The following DNAH8 variants were observed in gnomAD, a reference collection of about 807,000 sequenced individuals.
DNAH8 encodes the protein axonemal beta dynein heavy chain 8.
In DNAH8, 382 loss-of-function variants were observed where a neutral mutation model predicts 562.1. That is an observed-to-expected ratio of 0.68 (90% CI 0.63 to 0.74). The LOEUF is 0.74. DNAH8 is among the 30% of genes least tolerant of loss of function. The pLI, the probability that DNAH8 is intolerant of heterozygous loss-of-function variation, is 0.00. For missense variants in DNAH8, 5,203 were observed against 5,620.4 expected (o/e 0.93, Z 2.37); for synonymous variants, 1,881 against 1,919.4 (o/e 0.98, Z 0.52).
chr6:38,907,023 G>GA (rs1224185293), intron 63 of DNAH8, among the ~76,000 whole-genome samples: 7 of 151,934 alleles, frequency 4.6e-5, no homozygotes, highest in African/African-American at 4.8e-5. Flanking sequence ...TCCAAAATCT[G>GA]AAAAAAATCT....
chr6:38,923,444 C>T (rs929927476), intron 72 of DNAH8: 2 of 322,054 alleles, frequency 6.2e-6, no homozygotes, highest in African/African-American at 4.3e-5. Context: ...GCCGTCTCCA[C>T]TCCAGTTCTC....
intron 3 of DNAH8, among the ~76,000 whole-genome samples, chr6:38,726,490 A>G (rs1390073341): frequency 6.6e-6 from 1 of 152,208 alleles, no homozygotes; most frequent in Non-Finnish European, 1.5e-5. Flanking sequence ...CTTTGGGTCC[A>G]TGTGGTTAGA....
chr6:38,761,363 G>C (rs1486811664), intron 10 of DNAH8, among the ~76,000 whole-genome samples: 2 of 141,714 alleles, frequency 1.4e-5, no homozygotes, highest in African/African-American at 5.3e-5. Context: ...CTTCATTTTT[G>C]TACCAATTGA....
intron 85 of DNAH8, among the ~76,000 whole-genome samples, chr6:38,976,353 G>C (rs567286975): frequency 4.6e-5 from 7 of 152,226 alleles, no homozygotes; most frequent in African/African-American, 1.7e-4. Context: ...AGTGAGTGTA[G>C]GTAATTCTTT....
At chr6:39,000,071 T>A (rs1315179094) in intron 88 of DNAH8, among the ~76,000 whole-genome samples, 1 of 152,190 alleles carries the variant, frequency 6.6e-6, no homozygotes, top group Non-Finnish European at 1.5e-5. Context: ...TCCTTTGTAT[T>A]TGAGGTTTAA....
chr6:38,745,728 T>C (rs998400985), intron 8 of DNAH8, among the ~76,000 whole-genome samples: 1 of 152,234 alleles, frequency 6.6e-6, no homozygotes, highest in Non-Finnish European at 1.5e-5. Flanking sequence ...GAACAGTTCC[T>C]TAGTCTGTAG....
chr6:38,863,711 C>T (rs553537864), intron 44 of DNAH8, among the ~76,000 whole-genome samples, 162 bp from the exon 45 acceptor site: 5 of 152,322 alleles, frequency 3.3e-5, no homozygotes, highest in South Asian at 2.1e-4. Flanking sequence ...TTAAACCTCT[C>T]TTTATCACTG....
intron 32 of DNAH8, 90 bp downstream of exon 32, chr6:38,834,731 A>G: frequency 9.7e-7 from 1 of 1,027,154 alleles, no homozygotes; most frequent in Non-Finnish European, 1.5e-6. Flanking sequence ...TTAATAGAAA[A>G]GTTTGTATTT....
intron 26 of DNAH8, among the ~76,000 whole-genome samples, chr6:38,816,263 T>A (rs1392079861): frequency 6.6e-6 from 1 of 151,966 alleles, no homozygotes; most frequent in Admixed American, 6.5e-5. Context: ...CAGGCTCCAG[T>A]ATGTGTTGTT....
chr6:38,727,820 A>G (rs901341172), intron 3 of DNAH8, among the ~76,000 whole-genome samples: 3 of 152,092 alleles, frequency 2.0e-5, no homozygotes, highest in South Asian at 4.2e-4. Flanking sequence ...ACTGCTCAAG[A>G]TAGTCTCTTT....
chr6:38,931,756 A>G, intron 75 of DNAH8, 55 bp from the exon 76 acceptor site: 1 of 1,197,028 alleles, frequency 8.4e-7, no homozygotes. Context: ...ATTGAACCCA[A>G]GTTCCTTTCC....
Position 38,781,297 on chromosome 6 carries a change from T to C in DNAH8, c.2183T>C (p.Met728Thr), listed in dbSNP as rs1278387502. 1 of 1,613,856 alleles carries C rather than the reference T, an allele frequency of 6.2e-7. No homozygotes were observed. Among genetic ancestry groups the C allele is most frequent in the Non-Finnish European group, 8.5e-7 (1 of 1,179,926 alleles). ...QKDDPPLARN[M>T]PPIAGKILWV... ...GATGACCCCCCTCTTGCTCGCAACA[T>C]GCCCCCTATAGCAGGAAAAATACTC... Residue 728 changes from methionine (M) to threonine (T), a missense_variant, in exon 16 of 93, where the codon ATG becomes ACG. By Grantham distance (81) the Met-to-Thr change is moderately conservative. This residue lies in a region of DNAH8 where 2,176 missense variants were observed against 2,365.1 expected (regional missense o/e 0.92). Coordinates refer to ENST00000327475, the MANE Select transcript of DNAH8 (RefSeq NM_001206927.2).
chr6:38,725,241 T>C (rs1321528181), intron 3 of DNAH8, among the ~76,000 whole-genome samples: 1 of 150,570 alleles, frequency 6.6e-6, no homozygotes, highest in Non-Finnish European at 1.5e-5. Flanking sequence ...AGGCAGAGGT[T>C]GCAGTGAGCC....
rs767930161 is a variant in DNAH8 at position 38,783,139 on chromosome 6, G to T, written c.2395G>T (p.Ala799Ser). 1.2e-6 allele frequency: 2 copies of T among 1,613,622 alleles called. No homozygotes were observed. The highest frequency in any genetic ancestry group is 2.7e-5 in the African/African-American group (2 of 74,872). Residue 799 changes from alanine (A) to serine (S), a missense_variant and splice_region_variant, in exon 17 of 93, where the codon GCT (alanine) becomes TCT (serine). Around this residue, in one of 6 missense-constraint regions of DNAH8, gnomAD observed 2,176 missense variants for 2,365.1 expected, o/e 0.92. Coordinates refer to ENST00000327475, the MANE Select transcript of DNAH8 (RefSeq NM_001206927.2). ...WIREISQLHY[A>S]LQATLFVRHP... ...CAGAGAGATTTCACAGTTGCATTAC[G>T]GTGTGTATAACACTGCCATGAGCCT...
chr6:38,943,064 T>C (rs1783588920), intron 79 of DNAH8, among the ~76,000 whole-genome samples: 1 of 152,216 alleles, frequency 6.6e-6, no homozygotes, highest in Admixed American at 6.5e-5. Flanking sequence ...GGGAGAACTA[T>C]ACTGTATAGG....
chr6:38,798,625 G>A (rs1770512619), intron 21 of DNAH8, among the ~76,000 whole-genome samples: 1 of 152,252 alleles, frequency 6.6e-6, no homozygotes, highest in Non-Finnish European at 1.5e-5. Flanking sequence ...GCAGTGGAAT[G>A]TGTATGTCTA....
At chr6:38,743,561 C>T (rs1313291984) in intron 8 of DNAH8, among the ~76,000 whole-genome samples, 1 of 152,194 alleles carries the variant, frequency 6.6e-6, no homozygotes, top group Non-Finnish European at 1.5e-5. Context: ...CAACATTCCC[C>T]CTTCCCCCCA....
chr6:38,883,368 T>G lies in DNAH8; in HGVS notation c.8048T>G (p.Val2683Gly). The G allele has an allele frequency of 6.2e-7, 1 of 1,613,420 alleles. No homozygotes were observed. The highest frequency in any genetic ancestry group is 8.5e-7 in the Non-Finnish European group (1 of 1,179,610). ...CAGGGAACTGCAAAAACTGTCATGG[T>G]TAAGGCCTATTTGAAAAAATATGAT... ...GEQGTAKTVMVKAYLKKYDPE... is the reference protein window; with the variant it reads ...GEQGTAKTVMGKAYLKKYDPE... The change falls in exon 55 of 93, where the codon GTT becomes GGT. Residue 2683 changes from valine to glycine, a missense_variant. This residue lies in a region of DNAH8 where 977 missense variants were observed against 1,061.8 expected (regional missense o/e 0.92). Transcript: ENST00000327475.
chr6:38,885,610 G>T (rs977444979), intron 56 of DNAH8, among the ~76,000 whole-genome samples: 1 of 152,100 alleles, frequency 6.6e-6, no homozygotes, highest in African/African-American at 2.4e-5. Context: ...CCCTCTTCCC[G>T]TGACTCTTTG....
Sources: allele counts gnomAD v4.1 joint callset (sites outside exome capture counted in the v4.1 genomes callset), GRCh38; gene constraint gnomAD v4.1.1; regional missense constraint gnomAD v4.1.1; transcripts MANE v1.5; gene names NCBI Gene and HGNC (gene_info 2026-07-23, HGNC 2026-07-21).